The following HTR7 variants were observed in gnomAD, a reference collection of about 807,000 sequenced individuals.
HTR7 encodes the protein 5-hydroxytryptamine receptor 7, also known as 5-HT-7.
A neutral mutation model predicts 34.0 loss-of-function variants in HTR7; 16 were observed. The ratio of observed to expected loss-of-function variants is 0.47; its 90% CI spans 0.32 to 0.71. HTR7 has a LOEUF of 0.71. HTR7 is among the 30% of genes least tolerant of loss of function. The probability of loss-of-function intolerance (pLI) is 0.04; values close to 1 mark genes in which losing one functional copy is unlikely to be tolerated. For synonymous variants in HTR7, 265 were observed against 260.2 expected, an observed-to-expected ratio of 1.02 and a Z score of -0.18; for missense variants, 504 against 625.5, an observed-to-expected ratio of 0.81 and a Z score of 2.07.
chr10:90,772,846 G>T (rs1456489239), intron 1 of HTR7, among the ~76,000 whole-genome samples: 2 of 152,080 alleles, frequency 1.3e-5, no homozygotes, highest in Non-Finnish European at 2.9e-5. Flanking sequence ...TACAGCACTG[G>T]ATTCAGTCTT....
At chr10:90,852,202 T>TAAAAAAAAAAA (rs60371298) in intron 1 of HTR7, among the ~76,000 whole-genome samples, 8,726 of 133,742 alleles carry the variant, frequency 0.065, 469 homozygotes, top group African/African-American at 0.13. Context: ...TTATGTGAAG[T>TAAAAAAAAAAA]AAAAAAAAAA....
chr10:90,773,700 T>C (rs964965226), intron 1 of HTR7, among the ~76,000 whole-genome samples: 11 of 152,212 alleles, frequency 7.2e-5, no homozygotes, highest in Non-Finnish European at 1.6e-4. Flanking sequence ...AAACATGTGA[T>C]GTTTGCCTTT....
intron 1 of HTR7, among the ~76,000 whole-genome samples, chr10:90,753,817 C>G (rs184883475): frequency 1.6e-3 from 241 of 151,900 alleles, no homozygotes; most frequent in African/African-American, 5.4e-3. Context: ...ACAGAAACAA[C>G]AGAAGAGTGG....
chr10:90,846,850 G>A (rs761624432), intron 1 of HTR7, among the ~76,000 whole-genome samples: 6 of 152,206 alleles, frequency 3.9e-5, no homozygotes, highest in Admixed American at 6.5e-5. Context: ...AGGGGAGGAC[G>A]GAGATTGGGG....
chr10:90,808,888 C>T (rs1467118548), intron 1 of HTR7, among the ~76,000 whole-genome samples: 2 of 152,188 alleles, frequency 1.3e-5, no homozygotes, highest in Non-Finnish European at 2.9e-5. Context: ...TTTTTCCATC[C>T]TACAAGATAT....
chr10:90,755,935 A>G (rs964662392), intron 1 of HTR7, among the ~76,000 whole-genome samples: 1 of 152,252 alleles, frequency 6.6e-6, no homozygotes, highest in African/African-American at 2.4e-5. Context: ...ATAGCTCCAA[A>G]TGAAACTAAT....
intron 2 of HTR7, 109 bp from the exon 3 acceptor site, chr10:90,743,799 CTG>C (rs1844591999): frequency 1.2e-6 from 1 of 836,322 alleles, no homozygotes; most frequent in African/African-American, 1.7e-5. Context: ...TATTACCAAT[CTG>C]TGAATACTTG....
chr10:90,808,178 G>A (rs1254329456), intron 1 of HTR7, among the ~76,000 whole-genome samples: 1 of 152,138 alleles, frequency 6.6e-6, no homozygotes, highest in East Asian at 1.9e-4. Context: ...TTCACCCTTA[G>A]CGGCAAGTCC....
intron 1 of HTR7, among the ~76,000 whole-genome samples, chr10:90,822,051 C>G (rs903546645): frequency 6.6e-6 from 1 of 152,100 alleles, no homozygotes; most frequent in Non-Finnish European, 1.5e-5. Flanking sequence ...CAAACTAATA[C>G]ATAAAATTGG....
intron 1 of HTR7, among the ~76,000 whole-genome samples, chr10:90,751,260 C>A (rs924910641): frequency 3.3e-5 from 5 of 151,916 alleles, no homozygotes; most frequent in African/African-American, 9.7e-5. Flanking sequence ...AAAAGGCGGG[C>A]AGTGCGGGGG....
intron 1 of HTR7, among the ~76,000 whole-genome samples, chr10:90,851,462 G>A (rs916817473): frequency 4.0e-5 from 6 of 151,820 alleles, no homozygotes; most frequent in Non-Finnish European, 8.8e-5. Flanking sequence ...AAAATTAGCA[G>A]GGCGTGGTGG....
chr10:90,822,796 C>T (rs377352121), intron 1 of HTR7, among the ~76,000 whole-genome samples: 7 of 152,130 alleles, frequency 4.6e-5, no homozygotes, highest in South Asian at 2.1e-4. Context: ...TGTGCAGCCT[C>T]GAGACATGTC....
chr10:90,746,919 G>C (rs1263386045), intron 2 of HTR7, among the ~76,000 whole-genome samples: 4 of 152,144 alleles, frequency 2.6e-5, no homozygotes, highest in African/African-American at 9.7e-5. Context: ...TACTTACTTA[G>C]AGTAACAATT....
chr10:90,766,258 A>G (rs1845022213), intron 1 of HTR7, among the ~76,000 whole-genome samples: 1 of 152,210 alleles, frequency 6.6e-6, no homozygotes, highest in Non-Finnish European at 1.5e-5. Flanking sequence ...TGACCTCTTT[A>G]TCATTGCATA....
In HTR7 at chr10:90,787,222, G is replaced by T. The variant is rs748416543; in HGVS notation, c.540-37628C>A. On this transcript the variant is annotated intron_variant, in intron 1 of 3. Transcript: ENST00000336152. ...ATAAGACAAACCGCTGGGCACAGTGGGTCACGCCTGTAATCCCAGCACTTT... is the reference window on the plus strand; with the variant it reads ...ATAAGACAAACCGCTGGGCACAGTGTGTCACGCCTGTAATCCCAGCACTTT... Among the ~76,000 whole-genome samples, 162 of 152,260 alleles carry T rather than the reference G, an allele frequency of 1.1e-3. 4 individuals are homozygous for T. Among genetic ancestry groups the T allele is most frequent in the Admixed American group, 7.8e-4 (12 of 15,288 alleles).
intron 2 of HTR7, among the ~76,000 whole-genome samples, chr10:90,744,181 G>A (rs1355868408): frequency 1.3e-5 from 2 of 151,180 alleles, no homozygotes; most frequent in African/African-American, 4.9e-5. Flanking sequence ...CACAAGATGA[G>A]TGAGAGCTAG....
In HTR7 at chr10:90,857,837, C is replaced by A; in HGVS notation, c.-166G>T. ...CTCTGTCTCGGAGCCCCGCACTCCC[C>A]GGACCCCCGGCCGCTGCGGGTAACG... On this transcript the variant is annotated 5_prime_UTR_variant, in exon 1 of 4. Coordinates refer to ENST00000336152, the MANE Select transcript of HTR7 (RefSeq NM_019859.4). This position sits in a 1 kb window ranked among gnomAD's most constrained non-coding sequence, Gnocchi z 6.5. 1.7e-6 allele frequency: 1 copy of A among 597,242 alleles called. No homozygotes were observed. Among genetic ancestry groups the A allele is most frequent in the East Asian group, 3.9e-5 (1 of 25,624 alleles). 37.0% of individuals were successfully genotyped at this position (597,242 alleles called of 1,614,324 possible).
intron 1 of HTR7, among the ~76,000 whole-genome samples, chr10:90,837,619 A>G (rs918233142): frequency 1.3e-5 from 2 of 152,228 alleles, no homozygotes; most frequent in Non-Finnish European, 2.9e-5. Flanking sequence ...GCTAAATAAA[A>G]TTATTTTCTT....
At chr10:90,742,564 A>G (rs1296376846) in intron 3 of HTR7, 36 bp from the exon 4 acceptor site, 1 of 1,413,818 alleles carries the variant, frequency 7.1e-7, no homozygotes, top group Non-Finnish European at 9.9e-7. Flanking sequence ...AAAATAATTT[A>G]GTAGAACTGT....
Sources: allele counts gnomAD v4.1 joint callset (sites outside exome capture counted in the v4.1 genomes callset), GRCh38; gene constraint gnomAD v4.1.1; non-coding constraint Gnocchi (gnomAD v3.1); transcripts MANE v1.5; gene names NCBI Gene and HGNC (gene_info 2026-07-23, HGNC 2026-07-21).